PPP1R7: variants seen among roughly 807,000 people sequenced by gnomAD.
The protein encoded by PPP1R7 is protein phosphatase 1 regulatory subunit 22.
PPP1R7 carries 18 observed loss-of-function variants against 45.2 expected under a neutral mutation model. That is an observed-to-expected ratio of 0.40 (90% CI 0.28 to 0.59). The LOEUF is 0.59. Among genes scored for constraint, PPP1R7 ranks in the 20% least tolerant of loss-of-function variants. The pLI, the probability that PPP1R7 is intolerant of heterozygous loss-of-function variation, is 0.46. For missense variants in PPP1R7, 314 were observed against 455.8 expected (o/e 0.69, Z 2.83); for synonymous variants, 181 against 183.4 (o/e 0.99, Z 0.11).
chr2:241,172,258 G>A (rs544811468), intron 9 of PPP1R7, among the ~76,000 whole-genome samples: 6 of 151,604 alleles, frequency 4.0e-5, no homozygotes, highest in South Asian at 2.1e-4. Flanking sequence ...TTGTTTTAGC[G>A]ATTAGAATTT....
intron 7 of PPP1R7, among the ~76,000 whole-genome samples, chr2:241,164,821 G>T (rs756900084): frequency 1.3e-5 from 2 of 152,202 alleles, no homozygotes; most frequent in Admixed American, 6.5e-5. Flanking sequence ...GCCAAGGCAG[G>T]CGGTTCATTT....
chr2:241,171,177 A>G (rs112459807), intron 9 of PPP1R7, among the ~76,000 whole-genome samples: 6 of 152,338 alleles, frequency 3.9e-5, no homozygotes, highest in African/African-American at 1.4e-4. Context: ...AGCATGGGGC[A>G]CAGAGTGCTG....
upstream of PPP1R7, chr2:241,149,712 A>C (rs540930107): frequency 1.9e-6 from 3 of 1,550,664 alleles, no homozygotes; most frequent in African/African-American, 2.7e-5. Context: ...AAAATGGGTG[A>C]GTAGCGCAGA....
At chr2:241,175,357 C>A (rs2067892692) in intron 9 of PPP1R7, among the ~76,000 whole-genome samples, 1 of 152,166 alleles carries the variant, frequency 6.6e-6, no homozygotes, top group African/African-American at 2.4e-5. Context: ...CTTCCCAGAC[C>A]TTGACAATGA....
intron 9 of PPP1R7, among the ~76,000 whole-genome samples, chr2:241,175,646 G>A (rs114759159): frequency 2.6e-5 from 4 of 152,344 alleles, no homozygotes; most frequent in Non-Finnish European, 4.4e-5. Context: ...CCAGGCTAGA[G>A]TGCAGTAGCA....
intron 4 of PPP1R7, chr2:241,158,882 TGAGC>T: frequency 2.4e-6 from 1 of 415,768 alleles, no homozygotes; most frequent in South Asian, 3.4e-5. Flanking sequence ...TTGTCAAAAT[TGAGC>T]CCACCAAAGG....
At position 241,163,376 on chromosome 2, in the gene PPP1R7, C is replaced by T; in HGVS notation, c.689C>T (p.Thr230Ile). The change falls in exon 7 of 10, where the codon ACC becomes ATC. Residue 230 changes from threonine to isoleucine, a missense_variant. Around this residue, in one of 3 missense-constraint regions of PPP1R7, gnomAD observed 168 missense variants for 285.3 expected, o/e 0.59. Transcript: ENST00000234038. Reference protein sequence around the residue: ...ITKLQNLDALTNLTVLSMQSN... With the variant: ...ITKLQNLDALINLTVLSMQSN... ...AAACTTCAGAACCTGGATGCGCTCA[C>T]CAACCTGACAGTCCTCAGTATGCAG... The T allele has an allele frequency of 1.9e-6, 3 of 1,613,160 alleles. No individual in the cohort carries two copies. Among genetic ancestry groups the T allele is most frequent in the Middle Eastern group, 1.7e-4 (1 of 6,060 alleles).
rs1282054346 is a variant in PPP1R7, at chr2:241,173,915, TA to T, written c.906+4049del. 1.2e-3 allele frequency among the ~76,000 whole-genome samples: 112 copies of T among 92,140 alleles called. 1 individual carries two copies. The highest frequency in any genetic ancestry group is 4.7e-3 in the African/African-American group (106 of 22,570). The allele number at this position is 92,140 out of a possible 152,430, so 60.4% of individuals were successfully genotyped here. On this transcript the variant is annotated intron_variant, in intron 9 of 9. Coordinates refer to ENST00000234038, the MANE Select transcript of PPP1R7 (RefSeq NM_002712.3). ...TCAACTCTAAAAGAACATTTGGCTT[TA>T]TTTTTTTTTTTTTGGTAGATTATTT...
chr2:241,181,217 T>G (rs2067999568), intron 9 of PPP1R7, among the ~76,000 whole-genome samples: 1 of 151,774 alleles, frequency 6.6e-6, no homozygotes, highest in Non-Finnish European at 1.5e-5. Context: ...AAAATAGGGT[T>G]CCTCAAACAG....
upstream of PPP1R7, chr2:241,149,847 G>C: frequency 6.7e-7 from 1 of 1,483,094 alleles, no homozygotes; most frequent in Non-Finnish European, 8.9e-7. Context: ...GACTTGCAAG[G>C]GGAGCCCAGC....
At chr2:241,182,547 A>G (rs1396157545) in intron 9 of PPP1R7, 100 bp from the exon 10 acceptor site, 2 of 1,458,040 alleles carry the variant, frequency 1.4e-6, no homozygotes, top group South Asian at 1.2e-5. Context: ...CCTGCTCGCC[A>G]TCTTCTGAGT....
At chr2:241,163,515 A>G (rs2067640744) in intron 7 of PPP1R7, 114 bp downstream of exon 7, 4 of 714,716 alleles carry the variant, frequency 5.6e-6, no homozygotes, top group Middle Eastern at 3.4e-4. Context: ...TCGTTGCACT[A>G]TTAGTAAGCA....
chr2:241,149,767 C>T, upstream of PPP1R7: 6 of 1,538,412 alleles, frequency 3.9e-6, no homozygotes, highest in Non-Finnish European at 5.2e-6. Flanking sequence ...GGACGCGGGG[C>T]GGCTCGTTCA....
At chr2:241,156,106 G>C (rs932914646) in intron 2 of PPP1R7, among the ~76,000 whole-genome samples, 1 of 152,184 alleles carries the variant, frequency 6.6e-6, no homozygotes, top group African/African-American at 2.4e-5. Context: ...CTCCAGGTGA[G>C]AGGAGGAGCC....
chr2:241,166,939 T>C, intron 8 of PPP1R7: 1 of 954,736 alleles, frequency 1.0e-6, no homozygotes, highest in East Asian at 2.5e-5. Flanking sequence ...CTTCCTCTTC[T>C]TACAGTATGA....
intron 4 of PPP1R7, 184 bp from the exon 5 acceptor site, chr2:241,159,029 G>A (rs2067524086): frequency 2.9e-6 from 2 of 691,506 alleles, no homozygotes; most frequent in Non-Finnish European, 4.8e-6. Flanking sequence ...GTGTGTTAAG[G>A]AATTATAGCT....
At chr2:241,171,808 T>C (rs2067821809) in intron 9 of PPP1R7, among the ~76,000 whole-genome samples, 1 of 152,210 alleles carries the variant, frequency 6.6e-6, no homozygotes, top group Non-Finnish European at 1.5e-5. Context: ...GCTTATCCTC[T>C]TTATCCTTGT....
intron 8 of PPP1R7, among the ~76,000 whole-genome samples, chr2:241,169,392 C>A (rs1036112572): frequency 6.6e-6 from 1 of 152,238 alleles, no homozygotes; most frequent in African/African-American, 2.4e-5. Flanking sequence ...TCGTGATGAG[C>A]ACTAAGTAAA....
At chr2:241,154,728 T>C (rs2067411557) in intron 2 of PPP1R7, among the ~76,000 whole-genome samples, 1 of 152,182 alleles carries the variant, frequency 6.6e-6, no homozygotes, top group South Asian at 2.1e-4. Context: ...CTGAACAGTA[T>C]GCATGCATGT....
Sources: allele counts gnomAD v4.1 joint callset (sites outside exome capture counted in the v4.1 genomes callset), GRCh38; gene constraint gnomAD v4.1.1; regional missense constraint gnomAD v4.1.1; transcripts MANE v1.5; gene names NCBI Gene and HGNC (gene_info 2026-07-23, HGNC 2026-07-21).